CLEC6A: variants seen among roughly 807,000 people sequenced by gnomAD.
CLEC6A encodes C-type lectin domain family 6 member A.
A neutral mutation model predicts 25.7 loss-of-function variants in CLEC6A; 22 were observed. The ratio of observed to expected loss-of-function variants is 0.85; its 90% CI spans 0.61 to 1.22. The LOEUF is 1.22. CLEC6A is among the 50% of genes most tolerant of loss of function. The probability of loss-of-function intolerance (pLI) is 0.00; values close to 1 mark genes in which losing one functional copy is unlikely to be tolerated. For synonymous variants in CLEC6A, 92 were observed against 76.7 expected (o/e 1.20, Z -1.04); for missense variants, 240 against 236.8 (o/e 1.01, Z -0.09).
At chr12:8,464,509 T>C (rs1939804909) in intron 3 of CLEC6A, among the ~76,000 whole-genome samples, 2 of 152,118 alleles carry the variant, frequency 1.3e-5, no homozygotes, top group South Asian at 4.1e-4. Context: ...CTTTTTGTAT[T>C]TTTAGTAGAG....
At position 8,475,326 on chromosome 12, in the gene CLEC6A, C is replaced by CTCTA. The variant is rs1313595608; in HGVS notation, c.370-798_370-797insCTAT. ...TCAACGTGCTCCAGAAAAACTCTCT[C>CTCTA]TATATATATATATATGTATGTGTGT... On this transcript the variant is annotated intron_variant, in intron 4 of 5. Transcript: ENST00000382073. Among the ~76,000 whole-genome samples the CTCTA allele has an allele frequency of 3.0e-5, 3 of 98,610 alleles. No individual in the cohort carries two copies. In the East Asian group the frequency reaches 9.7e-4, roughly 32 times the overall value. The allele number at this position is 98,610 out of a possible 152,430, so 64.7% of individuals were successfully genotyped here.
intron 4 of CLEC6A, among the ~76,000 whole-genome samples, chr12:8,471,742 G>A (rs1939909531): frequency 6.6e-6 from 1 of 151,934 alleles, no homozygotes; most frequent in Non-Finnish European, 1.5e-5. Context: ...TATTATGGTG[G>A]TGTCTATTTC....
intron 4 of CLEC6A, among the ~76,000 whole-genome samples, chr12:8,472,361 G>A (rs1939916728): frequency 6.6e-6 from 1 of 152,112 alleles, no homozygotes; most frequent in African/African-American, 2.4e-5. Context: ...CAAATATGTT[G>A]TGTTTCCTAT....
In CLEC6A at chr12:8,456,104, C is replaced by G. The variant is rs779949509; in HGVS notation, c.-8C>G. On this transcript the variant is annotated 5_prime_UTR_variant, in exon 1 of 6. Transcript: ENST00000382073. The stretch of plus-strand genomic sequence containing the variant: ...TCCTGGACCTTCTCAACACAGGGAG[C>G]CTGCATAATGATGCAAGAGCAGCAA... The G allele has an allele frequency of 1.2e-6, 2 of 1,613,608 alleles. No homozygotes were observed. Among genetic ancestry groups the G allele is most frequent in the Non-Finnish European group, 1.7e-6 (2 of 1,179,714 alleles).
At chr12:8,472,484 A>G (rs1939918811) in intron 4 of CLEC6A, among the ~76,000 whole-genome samples, 1 of 152,146 alleles carries the variant, frequency 6.6e-6, no homozygotes, top group South Asian at 2.1e-4. Context: ...AGATGCTTAG[A>G]GATGGGAGTT....
intron 4 of CLEC6A, among the ~76,000 whole-genome samples, chr12:8,467,573 C>G (rs1939849095): frequency 6.6e-6 from 1 of 152,162 alleles, no homozygotes; most frequent in African/African-American, 2.4e-5. Flanking sequence ...GCCAGCACCA[C>G]ACTGCTTCGA....
At position 8,477,211 on chromosome 12, in the gene CLEC6A, A is replaced by T. The variant is rs773581596; in HGVS notation, c.486-109A>T. ...TATGAGAAGAAGGAACAATCATTGGAATGTTCTCTCTTCCTAAATCCCACT... is the reference window on the plus strand; with the variant it reads ...TATGAGAAGAAGGAACAATCATTGGTATGTTCTCTCTTCCTAAATCCCACT... On this transcript the variant is annotated intron_variant, in intron 5 of 5. Coordinates refer to ENST00000382073, the MANE Select transcript of CLEC6A (RefSeq NM_001007033.2). The T allele has an allele frequency of 1.2e-4, 93 of 783,302 alleles. No individual in the cohort carries two copies. The African/African-American group carries it at 1.6e-3, about 14-fold the overall frequency. The allele number at this position is 783,302 out of a possible 1,614,324, so 48.5% of individuals were successfully genotyped here. A position where few individuals can be genotyped will look rare whatever the true frequency, so the allele number is the denominator to read the frequency against.
intron 4 of CLEC6A, among the ~76,000 whole-genome samples, chr12:8,468,969 C>T (rs192095701): frequency 2.0e-4 from 31 of 152,284 alleles, no homozygotes; most frequent in African/African-American, 6.5e-4. Flanking sequence ...AACCAAAGGG[C>T]ATCCAAATTG....
intron 3 of CLEC6A, among the ~76,000 whole-genome samples, chr12:8,464,334 T>TTTC (rs200090850): frequency 0.013 from 629 of 50,102 alleles, 3 homozygotes; most frequent in East Asian, 0.092. Flanking sequence ...TTTCTTTTTC[T>TTTC]TTTTTTTTTT....
intron 3 of CLEC6A, chr12:8,460,861 C>A: frequency 1.1e-6 from 1 of 899,602 alleles, no homozygotes. Context: ...TACAACTTAC[C>A]GCAAGCCTGT....
intron 4 of CLEC6A, among the ~76,000 whole-genome samples, chr12:8,472,698 G>A (rs562853426): frequency 3.9e-5 from 6 of 152,028 alleles, no homozygotes; most frequent in Non-Finnish European, 7.4e-5. Flanking sequence ...AGGGCATGGG[G>A]CTTTATATTC....
At chr12:8,456,545 G>T (rs1318194283) in intron 1 of CLEC6A, among the ~76,000 whole-genome samples, 1 of 152,026 alleles carries the variant, frequency 6.6e-6, no homozygotes, top group Non-Finnish European at 1.5e-5. Flanking sequence ...TAAGAGAAAA[G>T]CTTCCCATTT....
chr12:8,473,764 G>C (rs1025560489), intron 4 of CLEC6A, among the ~76,000 whole-genome samples: 6 of 152,092 alleles, frequency 3.9e-5, no homozygotes, highest in African/African-American at 1.2e-4. Flanking sequence ...TTAAGTAATA[G>C]CCATACTGAC....
intron 5 of CLEC6A, 68 bp from the exon 6 acceptor site, chr12:8,477,252 T>G (rs960458493): frequency 6.0e-5 from 81 of 1,344,988 alleles, no homozygotes; most frequent in Non-Finnish European, 7.8e-5. Flanking sequence ...CACCCCAGAC[T>G]TTTATACTTT....
At chr12:8,468,135 G>T (rs1039160510) in intron 4 of CLEC6A, among the ~76,000 whole-genome samples, 1 of 152,002 alleles carries the variant, frequency 6.6e-6, no homozygotes, top group African/African-American at 2.4e-5. Flanking sequence ...TAGAGATAGG[G>T]TTTCACCATG....
At chr12:8,475,708 A>G (rs1486851241) in intron 4 of CLEC6A, among the ~76,000 whole-genome samples, 1 of 152,138 alleles carries the variant, frequency 6.6e-6, no homozygotes, top group Non-Finnish European at 1.5e-5. Context: ...GCAATCTACT[A>G]CTGAGCTTAC....
At chr12:8,475,981 C>G in intron 4 of CLEC6A, 144 bp from the exon 5 acceptor site, 2 of 530,002 alleles carry the variant, frequency 3.8e-6, no homozygotes, top group South Asian at 3.1e-5. Flanking sequence ...TTGGCCTGTA[C>G]TCCTGGTCAG....
At chr12:8,477,239 G>A in intron 5 of CLEC6A, 81 bp from the exon 6 acceptor site, 1 of 1,122,730 alleles carries the variant, frequency 8.9e-7, no homozygotes, top group Non-Finnish European at 1.3e-6. Context: ...ATCCCACTTT[G>A]TTCACCCCAG....
intron 5 of CLEC6A, among the ~76,000 whole-genome samples, chr12:8,476,655 T>C (rs1939977746): frequency 6.6e-6 from 1 of 152,128 alleles, no homozygotes; most frequent in African/African-American, 2.4e-5. Flanking sequence ...TATTTACTTG[T>C]GGCTTTAAAA....
Sources: gnomAD v4.1 joint callset for allele counts (sites outside exome capture counted in the v4.1 genomes callset) on GRCh38, gnomAD v4.1.1 for gene constraint, MANE v1.5 for transcripts, NCBI Gene and HGNC (gene_info 2026-07-23, HGNC 2026-07-21) for gene names.